The following KRT32 variants were observed in gnomAD, a reference collection of about 807,000 sequenced individuals.
KRT32 encodes keratin, type I cuticular Ha2.
KRT32 carries 44 observed loss-of-function variants against 41.8 expected under a neutral mutation model. The observed-to-expected ratio is 1.05, with a 90% CI of 0.83 to 1.35. The LOEUF is 1.35. Ranked by LOEUF, KRT32 falls within the 40% of genes most tolerant of loss-of-function variation. KRT32 has a pLI of 0.00. For missense variants in KRT32, 576 were observed against 584.6 expected, an observed-to-expected ratio of 0.99 and a Z score of 0.15; for synonymous variants, 238 against 242.5, an observed-to-expected ratio of 0.98 and a Z score of 0.17.
chr17:41,464,094 T>C lies in KRT32; in HGVS notation c.980A>G (p.Gln327Arg). The C allele has an allele frequency of 6.2e-7, 1 of 1,602,496 alleles. No individual in the cohort carries two copies. ...RTVNTLEIELQAQHSLRDSLE... is the reference protein window; with the variant it reads ...RTVNTLEIELRAQHSLRDSLE... ...AGCTCTCACCAGGCTGTGCTGGGCCTGCAGCTCGATCTCCAGCGTGTTGAC... is the reference window on the plus strand; with the variant it reads ...AGCTCTCACCAGGCTGTGCTGGGCCCGCAGCTCGATCTCCAGCGTGTTGAC... The change falls in exon 5 of 7, where the codon CAG becomes CGG. Residue 327 changes from glutamine to arginine, a missense_variant. By Grantham distance (43) the Gln-to-Arg change is conservative. Coordinates refer to ENST00000225899, the MANE Select transcript of KRT32 (RefSeq NM_002278.3).
rs200523865 is a variant in KRT32 at position 41,466,968 on chromosome 17, C to G, written c.358G>C (p.Glu120Gln). ...ATCCTGCTCTCCAGCTCCGCATTCT[C>G]CTGCTCCAGCTGCCGCACCCTCGTC... ...YLTRVRQLEQ[E>Q]NAELESRIQE... The change falls in exon 1 of 7, where the codon GAG becomes CAG. Residue 120 changes from glutamate to glutamine, a missense_variant. Glu to Gln is a conservative substitution (Grantham distance 29). Transcript: ENST00000225899. The G allele has an allele frequency of 3.0e-5, 48 of 1,614,230 alleles. No individual in the cohort carries two copies. The East Asian group carries it at 1.1e-3, about 36-fold the overall frequency.
Position 41,467,076 on chromosome 17 carries a change from C to T in KRT32, c.250G>A (p.Gly84Ser), listed in dbSNP as rs147721032. 88 of 1,614,108 alleles carry T rather than the reference C, an allele frequency of 5.5e-5. No homozygotes were observed. The highest frequency in any genetic ancestry group is 8.9e-5 in the East Asian group (4 of 44,896). Residue 84 changes from glycine (G) to serine (S), a missense_variant, in exon 1 of 7, where the codon GGC becomes AGC. Transcript: ENST00000225899. ...ASGISGSMGP[G>S]SWYSEGAFNG... ...AAGGCCCCTTCGCTGTACCAGCTGC[C>T]GGGGCCCATGGAGCCGGAGATGCCA...
chr17:41,463,405 C>CA (rs1201637561), intron 5 of KRT32, among the ~76,000 whole-genome samples: 6 of 152,282 alleles, frequency 3.9e-5, no homozygotes, highest in Non-Finnish European at 8.8e-5. Flanking sequence ...TGGGAGCCCT[C>CA]AAAAAATACC....
chr17:41,460,389 C>T lies in KRT32; in HGVS notation c.1218-150G>A, dbSNP rs1023700167. ...TGGTCCCAACCTCCGCCATCTTTGCCTGAGTCACCTCATGGCCTCCTAACT... is the reference window on the plus strand; with the variant it reads ...TGGTCCCAACCTCCGCCATCTTTGCTTGAGTCACCTCATGGCCTCCTAACT... On this transcript the variant is annotated intron_variant, in intron 6 of 6. Transcript: ENST00000225899. The T allele has an allele frequency of 9.0e-6, 9 of 1,002,454 alleles. No homozygotes were observed. In the African/African-American group the frequency reaches 1.3e-4, roughly 14 times the overall value. The allele number at this position is 1,002,454 out of a possible 1,614,324, so 62.1% of individuals were successfully genotyped here.
intron 3 of KRT32, among the ~76,000 whole-genome samples, chr17:41,465,336 C>G (rs912242229): frequency 2.6e-5 from 4 of 152,110 alleles, no homozygotes; most frequent in Non-Finnish European, 5.9e-5. Flanking sequence ...CAGAGATGGA[C>G]AGGCCATTCA....
At chr17:41,462,648 G>T (rs2019013958) in intron 6 of KRT32, among the ~76,000 whole-genome samples, 182 bp downstream of exon 6, 1 of 152,210 alleles carries the variant, frequency 6.6e-6, no homozygotes, top group Non-Finnish European at 1.5e-5. Flanking sequence ...GAGGGGCTTG[G>T]TTCAGGATGG....
chr17:41,465,651 C>A, intron 3 of KRT32, 122 bp downstream of exon 3: 1 of 1,000,248 alleles, frequency 1.0e-6, no homozygotes. Context: ...ATAAATTGGG[C>A]AAAGTCACTA....
intron 3 of KRT32, among the ~76,000 whole-genome samples, chr17:41,465,423 A>AT (rs2019055149): frequency 6.6e-6 from 1 of 151,740 alleles, no homozygotes; most frequent in African/African-American, 2.4e-5. Flanking sequence ...CGAGAGAAAA[A>AT]AATGCAGTTG....
At chr17:41,465,290 A>G (rs2019054069) in intron 3 of KRT32, among the ~76,000 whole-genome samples, 1 of 152,198 alleles carries the variant, frequency 6.6e-6, no homozygotes, top group South Asian at 2.1e-4. Flanking sequence ...ACTCCCTCTC[A>G]GAAGAGATGG....
chr17:41,459,826 A>G lies in KRT32; in HGVS notation c.*284T>C, dbSNP rs1006924515. 3 of 247,954 alleles carry G rather than the reference A, an allele frequency of 1.2e-5. No homozygotes were observed. The highest frequency in any genetic ancestry group is 6.8e-5 in the African/African-American group (3 of 43,880). The allele number at this position is 247,954 out of a possible 1,614,324, so 15.4% of individuals were successfully genotyped here. A position where few individuals can be genotyped will look rare whatever the true frequency, so the allele number is the denominator to read the frequency against. On this transcript the variant is annotated 3_prime_UTR_variant, in exon 7 of 7. Coordinates refer to ENST00000225899, the MANE Select transcript of KRT32 (RefSeq NM_002278.3). ...GACAGACATGTTTGCAAGGCCACTG[A>G]GTACAGCTCTATTTGCCAGTTAACT...
chr17:41,461,450 G>A (rs993341328), intron 6 of KRT32, among the ~76,000 whole-genome samples: 8 of 152,200 alleles, frequency 5.3e-5, no homozygotes, highest in African/African-American at 1.7e-4. Context: ...GAACCAATGG[G>A]AGGCCTGAGG....
At chr17:41,464,545 G>A (rs2019046885) in intron 3 of KRT32, 102 bp from the exon 4 acceptor site, 1 of 1,165,644 alleles carries the variant, frequency 8.6e-7, no homozygotes, top group African/African-American at 1.5e-5. Flanking sequence ...GCTAAAGATT[G>A]AAACATTAGA....
intron 3 of KRT32, 57 bp downstream of exon 3, chr17:41,465,716 C>G (rs2019058579): frequency 6.4e-7 from 1 of 1,568,282 alleles, no homozygotes; most frequent in Admixed American, 1.8e-5. Context: ...AACCCCATAC[C>G]CCACGTTCCT....
At chr17:41,461,700 C>A (rs2857248) in intron 6 of KRT32, among the ~76,000 whole-genome samples, 108,635 of 152,238 alleles carry the variant, frequency 0.71, 38,931 homozygotes, top group East Asian at 0.89. Flanking sequence ...CTACCATCTC[C>A]GTATGACCCA....
chr17:41,464,224 A>G (rs2019041050), intron 4 of KRT32, 21 bp from the exon 5 acceptor site: 2 of 1,593,550 alleles, frequency 1.3e-6, no homozygotes, highest in African/African-American at 2.7e-5. Flanking sequence ...GGGAAGGAGA[A>G]GGCTAGAGTC....
rs1214096533 is a variant in KRT32 at position 41,460,171 on chromosome 17, G to A, written c.1286C>T (p.Thr429Ile). ...GCCAACAGTGCGTGGCACACAGACG[G>A]TGCGGGGCACGCATGGGGAGGGCAC... ...TCVPSPCVPRTVCVPRTVGMP... is the reference protein window; with the variant it reads ...TCVPSPCVPRIVCVPRTVGMP... Residue 429 changes from threonine (T) to isoleucine (I), a missense_variant, in exon 7 of 7, where the codon ACC becomes ATC. Thr to Ile is a moderately conservative substitution (Grantham distance 89). Coordinates refer to ENST00000225899, the MANE Select transcript of KRT32 (RefSeq NM_002278.3). 3 of 1,613,656 alleles carry A rather than the reference G, an allele frequency of 1.9e-6. No individual in the cohort carries two copies. The highest frequency in any genetic ancestry group is 1.1e-5 in the South Asian group (1 of 90,966).
Position 41,459,978 on chromosome 17 carries a change from T to C in KRT32, c.*132A>G, listed in dbSNP as rs2018982344. The C allele has an allele frequency of 6.5e-6, 6 of 917,180 alleles. No individual in the cohort carries two copies. Among genetic ancestry groups the C allele is most frequent in the Non-Finnish European group, 9.6e-6 (6 of 622,584 alleles). 56.8% of individuals were successfully genotyped at this position (917,180 alleles called of 1,614,324 possible). ...TAAGTATCCCCTGGAGTATCAGAGC[T>C]TGTTGCAGGTGATCCACGGTCCTGC... is the stretch of plus-strand genomic sequence containing the variant. On this transcript the variant is annotated 3_prime_UTR_variant, in exon 7 of 7. Coordinates refer to ENST00000225899, the MANE Select transcript of KRT32 (RefSeq NM_002278.3).
At chr17:41,466,824 C>T (rs1329080179) in intron 1 of KRT32, 34 bp downstream of exon 1, 1 of 1,494,650 alleles carries the variant, frequency 6.7e-7, no homozygotes, top group Non-Finnish European at 9.2e-7. Context: ...AGTTCCCTTC[C>T]CAGAGAGCCT....
At chr17:41,462,505 C>T (rs72830037) in intron 6 of KRT32, among the ~76,000 whole-genome samples, 3,088 of 152,314 alleles carry the variant, frequency 0.02, 43 homozygotes, top group Non-Finnish European at 0.033. Flanking sequence ...GTCTGCCTAT[C>T]TCCCTAAACA....
Sources: allele counts gnomAD v4.1 joint callset (sites outside exome capture counted in the v4.1 genomes callset), GRCh38; gene constraint gnomAD v4.1.1; transcripts MANE v1.5; gene names NCBI Gene and HGNC (gene_info 2026-07-23, HGNC 2026-07-21).